SUGCT: variants seen among roughly 807,000 people sequenced by gnomAD.
The protein encoded by SUGCT is succinyl-CoA:glutarate-CoA transferase, also known as succinyl-CoA:glutarate CoA-transferase.
In SUGCT, 41 loss-of-function variants were observed where a neutral mutation model predicts 55.0. That is an observed-to-expected ratio of 0.74 (90% CI 0.58 to 0.97). SUGCT has a LOEUF of 0.97. SUGCT is among the 50% of genes least tolerant of loss of function. The pLI is 0.00. For synonymous variants in SUGCT, 187 were observed against 200.4 expected, an observed-to-expected ratio of 0.93 and a Z score of 0.56; for missense variants, 568 against 547.8, an observed-to-expected ratio of 1.04 and a Z score of -0.37.
chr7:40,371,907 G>A (rs1440528663), intron 9 of SUGCT, among the ~76,000 whole-genome samples: 2 of 151,454 alleles, frequency 1.3e-5, no homozygotes, highest in East Asian at 1.9e-4. Context: ...TAAACAAAAA[G>A]TATAATTATT....
In SUGCT at chr7:40,465,893, T is replaced by A. The variant is rs181503599; in HGVS notation, c.986+6695T>A. 4.8e-3 allele frequency among the ~76,000 whole-genome samples: 722 copies of A among 151,954 alleles called. 5 individuals carry two copies. Among genetic ancestry groups the A allele is most frequent in the African/African-American group, 0.014 (587 of 41,464 alleles). ...TTTCAAAAAAAATAAATAAATATAT[T>A]TTTTTTGAGACAAGGTCTCACTCTG... On this transcript the variant is annotated intron_variant, in intron 11 of 13. Transcript: ENST00000335693.
intron 1 of SUGCT, among the ~76,000 whole-genome samples, chr7:40,168,679 G>A (rs2150670505): frequency 6.6e-6 from 1 of 152,268 alleles, no homozygotes; most frequent in South Asian, 2.1e-4. Flanking sequence ...TGAAAGGTTT[G>A]GTGAAGGGTT....
At chr7:40,441,206 A>G (rs1445646104) in intron 9 of SUGCT, among the ~76,000 whole-genome samples, 2 of 152,208 alleles carry the variant, frequency 1.3e-5, no homozygotes, top group Non-Finnish European at 2.9e-5. Flanking sequence ...AAAGGTAAGT[A>G]CTGATGATTC....
chr7:40,514,848 A>C (rs987268997), intron 12 of SUGCT, among the ~76,000 whole-genome samples: 1 of 152,188 alleles, frequency 6.6e-6, no homozygotes, highest in African/African-American at 2.4e-5. Context: ...AGCCAAATTA[A>C]TAATCAGGAT....
At chr7:40,856,667 G>A (rs1429377389) in intron 13 of SUGCT, among the ~76,000 whole-genome samples, 1 of 152,136 alleles carries the variant, frequency 6.6e-6, no homozygotes, top group East Asian at 1.9e-4. Flanking sequence ...TAACAGTATT[G>A]AGCAGACTTA....
At chr7:40,140,322 C>T (rs1000538976) in intron 1 of SUGCT, among the ~76,000 whole-genome samples, 1 of 152,110 alleles carries the variant, frequency 6.6e-6, no homozygotes, top group African/African-American at 2.4e-5. Flanking sequence ...TAAATGTTGT[C>T]GACTTTGTCA....
At chr7:40,251,406 T>C (rs573118739) in intron 7 of SUGCT, among the ~76,000 whole-genome samples, 1 of 152,076 alleles carries the variant, frequency 6.6e-6, no homozygotes, top group African/African-American at 2.4e-5. Context: ...CAACAATAAT[T>C]CCCCCAATTT....
At chr7:40,980,648 G>GA in the SUGCT span, among the ~76,000 whole-genome samples, 58,083 of 151,864 alleles carry the variant, frequency 0.38, 11,202 homozygotes, top group South Asian at 0.42. Flanking sequence ...ATATTAGAAG[G>GA]AAAAAAGAGG....
chr7:40,352,517 A>G (rs569463169), intron 9 of SUGCT, among the ~76,000 whole-genome samples: 2 of 151,974 alleles, frequency 1.3e-5, no homozygotes, highest in Non-Finnish European at 2.9e-5. Flanking sequence ...TTGTATCCAT[A>G]TGTGCTCAGT....
chr7:41,027,023 C>T, the SUGCT span, among the ~76,000 whole-genome samples: 1 of 152,034 alleles, frequency 6.6e-6, no homozygotes. Context: ...CAGAGCAAGA[C>T]TCCATCTAAA....
intron 6 of SUGCT, among the ~76,000 whole-genome samples, chr7:40,227,999 C>T (rs1320622251): frequency 6.6e-6 from 1 of 152,120 alleles, no homozygotes; most frequent in African/African-American, 2.4e-5. Context: ...TCTCCTGCCT[C>T]AGCCTCCCAA....
intron 13 of SUGCT, among the ~76,000 whole-genome samples, chr7:40,849,815 C>T (rs1793759477): frequency 6.6e-6 from 1 of 151,952 alleles, no homozygotes; most frequent in Non-Finnish European, 1.5e-5. Flanking sequence ...CTAGGCCCTC[C>T]TTGTGCTTTG....
At chr7:40,789,031 C>A (rs1790179796) in intron 13 of SUGCT, among the ~76,000 whole-genome samples, 1 of 152,148 alleles carries the variant, frequency 6.6e-6, no homozygotes, top group South Asian at 2.1e-4. Flanking sequence ...GTATTAGGAT[C>A]CTGGTGACAG....
chr7:40,450,067 G>A (rs1789100623), intron 10 of SUGCT, among the ~76,000 whole-genome samples: 1 of 151,992 alleles, frequency 6.6e-6, no homozygotes. Flanking sequence ...GAGCTGGGAT[G>A]ACAGGTGCGT....
At chr7:40,789,394 A>T (rs568514916) in intron 13 of SUGCT, among the ~76,000 whole-genome samples, 2 of 152,340 alleles carry the variant, frequency 1.3e-5, no homozygotes, top group South Asian at 4.1e-4. Context: ...TTCACTTAGT[A>T]TAATGTCTTA....
chr7:40,330,182 A>T (rs1230285837), intron 9 of SUGCT, among the ~76,000 whole-genome samples: 2 of 152,214 alleles, frequency 1.3e-5, no homozygotes, highest in Admixed American at 1.3e-4. Flanking sequence ...TCAGCCTCTA[A>T]GATGTGATTG....
intron 12 of SUGCT, among the ~76,000 whole-genome samples, chr7:40,598,367 G>A (rs777557650): frequency 6.6e-5 from 10 of 152,252 alleles, no homozygotes; most frequent in South Asian, 4.1e-4. Flanking sequence ...CGAAATCAAC[G>A]TCTTGAACCT....
the SUGCT span, among the ~76,000 whole-genome samples, chr7:40,973,346 A>T: frequency 4.6e-5 from 7 of 152,240 alleles, no homozygotes; most frequent in Non-Finnish European, 1.0e-4. Context: ...ATTATTTGAC[A>T]TAAGTCTCAT....
At chr7:40,943,247 C>T in the SUGCT span, among the ~76,000 whole-genome samples, 4 of 150,658 alleles carry the variant, frequency 2.7e-5, no homozygotes, top group Non-Finnish European at 4.4e-5. Context: ...TTCCTTCCCC[C>T]CCTTGAAGAT....
Sources: allele counts gnomAD v4.1 joint callset (sites outside exome capture counted in the v4.1 genomes callset), GRCh38; gene constraint gnomAD v4.1.1; transcripts MANE v1.5; gene names NCBI Gene and HGNC (gene_info 2026-07-23, HGNC 2026-07-21).